Variants in PECAM1 observed in about 807,000 individuals in gnomAD.
PECAM1 encodes platelet and endothelial cell adhesion molecule 1, also known as platelet endothelial cell adhesion molecule.
PECAM1 carries 8 observed loss-of-function variants against 13.8 expected under a neutral mutation model. The observed-to-expected ratio is 0.58, with a 90% CI of 0.34 to 1.05. The LOEUF (loss-of-function observed/expected upper bound fraction) is 1.05. Ranked by LOEUF, PECAM1 falls within the 50% of genes least tolerant of loss-of-function variation. PECAM1 has a pLI of 0.03. For synonymous variants in PECAM1, 136 were observed against 52.6 expected (o/e 2.58, Z -6.86); for missense variants, 304 against 141.2 (o/e 2.15, Z -5.84).
chr17:64,325,332 G>A (rs1377871975), intron 15 of PECAM1, among the ~76,000 whole-genome samples: 1 of 152,082 alleles, frequency 6.6e-6, no homozygotes, highest in African/African-American at 2.4e-5. Flanking sequence ...AGCTTGCAGT[G>A]AGCCAAGATT....
intron 13 of PECAM1, among the ~76,000 whole-genome samples, chr17:64,347,524 G>A (rs1256828268): frequency 5.4e-5 from 7 of 129,602 alleles, no homozygotes; most frequent in African/African-American, 1.5e-4. Context: ...GTGAGACTCC[G>A]TCTCAACAAA....
Position 64,390,608 on chromosome 17 carries a change from G to A in PECAM1, c.58C>T (p.Leu20=), listed in dbSNP as rs2143932428. Residue 20 remains leucine, a synonymous_variant, in exon 1 of 16, where the codon CTG becomes TTG. Coordinates refer to ENST00000563924, the MANE Select transcript of PECAM1 (RefSeq NM_000442.5). ...AAACAGAGTAAACACTCACAGAGCAGAAGGGTCAGCAGGACTCCAAGCCAC... is the reference window on the plus strand; with the variant it reads ...AAACAGAGTAAACACTCACAGAGCAAAAGGGTCAGCAGGACTCCAAGCCAC... ...TMWLGVLLTL[L]LCSSLEGQEN... is the part of the protein sequence containing the mutation. 4.2e-6 allele frequency: 2 copies of A among 471,968 alleles called. No individual in the cohort carries two copies. Among genetic ancestry groups the A allele is most frequent in the South Asian group, 1.4e-4 (2 of 14,352 alleles). 29.2% of individuals were successfully genotyped at this position (471,968 alleles called of 1,614,324 possible).
intron 14 of PECAM1, among the ~76,000 whole-genome samples, chr17:64,329,950 T>A (rs1555646372): frequency 6.6e-6 from 1 of 152,022 alleles, no homozygotes; most frequent in East Asian, 1.9e-4. Context: ...GGCACTTCAT[T>A]TAAAATTTTC....
At chr17:64,345,206 A>G (rs2035532758) in intron 13 of PECAM1, among the ~76,000 whole-genome samples, 1 of 151,966 alleles carries the variant, frequency 6.6e-6, no homozygotes, top group Non-Finnish European at 1.5e-5. Context: ...GCAGTGGCTC[A>G]TGCTTGTAAT....
rs377356943 is a variant in PECAM1 at position 64,329,768 on chromosome 17, A to C, written c.2165-46T>G. On this transcript the variant is annotated intron_variant, in intron 14 of 15. Coordinates refer to ENST00000563924, the MANE Select transcript of PECAM1 (RefSeq NM_000442.5). Reference sequence around the variant, plus strand: ...TGGCAGTGAGCAACGCAAATAACCCAGTTCAACTGCCCCAACAACATCACA... The same window carrying C: ...TGGCAGTGAGCAACGCAAATAACCCCGTTCAACTGCCCCAACAACATCACA... 4.9e-4 allele frequency: 367 copies of C among 752,014 alleles called. No individual in the cohort carries two copies. In the African/African-American group the frequency reaches 5.6e-3, roughly 11 times the overall value. The allele number at this position is 752,014 out of a possible 1,614,324, so 46.6% of individuals were successfully genotyped here.
chr17:64,390,091 G>GT lies in PECAM1; in HGVS notation c.91+397dup, dbSNP rs1460464028. 2.1e-3 allele frequency: 402 copies of GT among 189,572 alleles called. 3 individuals carry two copies. The highest frequency in any genetic ancestry group is 8.9e-3 in the African/African-American group (383 of 42,992). The allele number at this position is 189,572 out of a possible 1,614,324, so 11.7% of individuals were successfully genotyped here. On this transcript the variant is annotated intron_variant, in intron 2 of 15. Coordinates refer to ENST00000563924, the MANE Select transcript of PECAM1 (RefSeq NM_000442.5). The stretch of plus-strand genomic sequence containing the variant: ...GAAAATGTGTGCTACTTATAATTGT[G>GT]TTTTTTGCCATCTTTTAAAAAAGTA...
chr17:64,359,700 C>T (rs1237501722), intron 7 of PECAM1, among the ~76,000 whole-genome samples: 1 of 147,664 alleles, frequency 6.8e-6, no homozygotes, highest in Non-Finnish European at 1.5e-5. Context: ...GAACCTTGGC[C>T]CTGCTTTGGT....
intron 4 of PECAM1, among the ~76,000 whole-genome samples, chr17:64,374,553 G>A (rs965691449): frequency 6.6e-5 from 10 of 152,040 alleles, no homozygotes; most frequent in Admixed American, 5.2e-4. Flanking sequence ...GGAGGCCAAG[G>A]CGGGTGGATC....
At chr17:64,385,074 A>G (rs72844206) in intron 2 of PECAM1, among the ~76,000 whole-genome samples, 3 of 152,260 alleles carry the variant, frequency 2.0e-5, no homozygotes, top group Admixed American at 6.5e-5. Context: ...TTGTGTGCAA[A>G]TGTGTGCTTT....
chr17:64,390,284 TA>T (rs1361595609), intron 2 of PECAM1: 1 of 398,232 alleles, frequency 2.5e-6, no homozygotes, highest in Non-Finnish European at 4.4e-6. Flanking sequence ...GTGCTACTTC[TA>T]AAACACACTG....
At chr17:64,376,386 G>A (rs11653092) in intron 3 of PECAM1, among the ~76,000 whole-genome samples, 58,339 of 151,888 alleles carry the variant, frequency 0.38, 13,064 homozygotes, top group East Asian at 0.54. Context: ...GTTTTCAATG[G>A]TTTATAATCC....
At chr17:64,349,346 G>A (rs2035658277) in intron 12 of PECAM1, among the ~76,000 whole-genome samples, 1 of 152,034 alleles carries the variant, frequency 6.6e-6, no homozygotes, top group South Asian at 2.1e-4. Flanking sequence ...CCAGCACTTC[G>A]GGAGGCTGAG....
chr17:64,358,201 C>T (rs949375270), intron 7 of PECAM1, among the ~76,000 whole-genome samples: 2,311 of 145,264 alleles, frequency 0.016, 59 homozygotes, highest in African/African-American at 0.054. Context: ...TCACTGCAAC[C>T]TCTGCCTCCT....
intron 13 of PECAM1, among the ~76,000 whole-genome samples, chr17:64,347,550 T>A (rs1288309441): frequency 1.2e-3 from 168 of 135,148 alleles, no homozygotes; most frequent in Non-Finnish European, 2.1e-3. Flanking sequence ...AAAAAATATA[T>A]ATATATATAT....
intron 14 of PECAM1, among the ~76,000 whole-genome samples, chr17:64,331,713 A>T (rs2035126031): frequency 6.6e-6 from 1 of 152,246 alleles, no homozygotes; most frequent in African/African-American, 2.4e-5. Flanking sequence ...TCTGGAAAGG[A>T]CCAGGACCCC....
chr17:64,373,526 CTG>C (rs199493363), intron 4 of PECAM1, among the ~76,000 whole-genome samples: 77,033 of 148,806 alleles, frequency 0.52, 19,746 homozygotes, highest in African/African-American at 0.58. Context: ...GATGTTTTTT[CTG>C]TGTGTGTGTG....
At position 64,321,179 on chromosome 17, in the gene PECAM1, G is replaced by C. The variant is rs1258688345; in HGVS notation, c.*2637C>G. On this transcript the variant is annotated 3_prime_UTR_variant, in exon 16 of 16. Coordinates refer to ENST00000563924, the MANE Select transcript of PECAM1 (RefSeq NM_000442.5). ...AGAAGAGGGAAAAGTTTTACTGTGTGTTGGCTAAGGACCATTTTAAGTCCT... is the reference window on the plus strand; with the variant it reads ...AGAAGAGGGAAAAGTTTTACTGTGTCTTGGCTAAGGACCATTTTAAGTCCT... 6.6e-6 allele frequency: 1 copy of C among 152,262 alleles called. No individual in the cohort carries two copies. Among genetic ancestry groups the C allele is most frequent in the Non-Finnish European group, 1.5e-5 (1 of 68,108 alleles). The allele number at this position is 152,262 out of a possible 1,614,324, so 9.4% of individuals were successfully genotyped here.
chr17:64,368,648 G>C (rs923569439), intron 5 of PECAM1, among the ~76,000 whole-genome samples: 187 of 152,084 alleles, frequency 1.2e-3, no homozygotes, highest in African/African-American at 4.4e-3. Flanking sequence ...TTAGGAGTTT[G>C]AGACCAGCCT....
intron 5 of PECAM1, among the ~76,000 whole-genome samples, chr17:64,369,018 C>G (rs2143843154): frequency 7.1e-6 from 1 of 139,934 alleles, no homozygotes; most frequent in African/African-American, 2.6e-5. Flanking sequence ...CTCACCGCAG[C>G]CTCTGCCTCC....
Sources: allele counts gnomAD v4.1 joint callset (sites outside exome capture counted in the v4.1 genomes callset), GRCh38; gene constraint gnomAD v4.1.1; transcripts MANE v1.5; gene names NCBI Gene and HGNC (gene_info 2026-07-23, HGNC 2026-07-21).